NTRK3: variants seen among roughly 807,000 people sequenced by gnomAD.
NTRK3 encodes NT-3 growth factor receptor.
A neutral mutation model predicts 91.7 loss-of-function variants in NTRK3; 24 were observed. That is an observed-to-expected ratio of 0.26 (90% confidence interval 0.19 to 0.37). The LOEUF (loss-of-function observed/expected upper bound fraction) is 0.37. NTRK3 is among the 10% of genes least tolerant of loss of function. The pLI is 1.00. For synonymous variants in NTRK3, 483 were observed against 404.0 expected (o/e 1.20, Z -2.34); for missense variants, 880 against 1,068.9 (o/e 0.82, Z 2.46).
intron 5 of NTRK3, among the ~76,000 whole-genome samples, chr15:88,150,566 C>T (rs2043280481): frequency 6.6e-6 from 1 of 152,056 alleles, no homozygotes; most frequent in African/African-American, 2.4e-5. Flanking sequence ...TCCTCCCGCT[C>T]TTTGGGTGGA....
intron 3 of NTRK3, among the ~76,000 whole-genome samples, chr15:88,200,629 T>C (rs1597912718): frequency 6.6e-6 from 1 of 152,340 alleles, no homozygotes; most frequent in East Asian, 1.9e-4. Flanking sequence ...TGCCACCATG[T>C]GAAGAAGGAT....
intron 7 of NTRK3, 91 bp from the exon 8 acceptor site, chr15:88,136,700 C>T (rs532296375): frequency 2.7e-6 from 4 of 1,500,082 alleles, no homozygotes; most frequent in African/African-American, 2.8e-5. Flanking sequence ...GCACTTCTTG[C>T]CTTGCCCAGT....
intron 14 of NTRK3, among the ~76,000 whole-genome samples, chr15:88,004,893 T>A (rs1009955181): frequency 6.6e-6 from 1 of 152,176 alleles, no homozygotes; most frequent in Non-Finnish European, 1.5e-5. Context: ...GCAGAATGAA[T>A]GGATGGAATT....
At chr15:88,136,113 A>G in intron 8 of NTRK3, 73 bp from the exon 9 acceptor site, 3 of 1,557,736 alleles carry the variant, frequency 1.9e-6, no homozygotes, top group East Asian at 2.2e-5. Flanking sequence ...ATCCCCAAAT[A>G]CCTTTAGGAA....
At chr15:88,040,892 A>G (rs1293475594) in intron 13 of NTRK3, among the ~76,000 whole-genome samples, 1 of 152,218 alleles carries the variant, frequency 6.6e-6, no homozygotes, top group Non-Finnish European at 1.5e-5. Context: ...AACTACCATT[A>G]TTCTCATTTA....
intron 14 of NTRK3, among the ~76,000 whole-genome samples, chr15:88,022,065 A>G (rs1403070665): frequency 2.0e-5 from 3 of 152,100 alleles, no homozygotes; most frequent in Non-Finnish European, 2.9e-5. Context: ...GTGAAAAGCA[A>G]GTGACTTATT....
intron 14 of NTRK3, among the ~76,000 whole-genome samples, chr15:87,983,949 G>C (rs2074513000): frequency 6.6e-6 from 1 of 151,982 alleles, no homozygotes; most frequent in Non-Finnish European, 1.5e-5. Flanking sequence ...TTCTATCCCT[G>C]GTGGCTTCAC....
intron 17 of NTRK3, among the ~76,000 whole-genome samples, chr15:87,914,452 T>C (rs1319808469): frequency 2.0e-5 from 3 of 152,180 alleles, no homozygotes; most frequent in African/African-American, 7.2e-5. Context: ...GCCCAGTGAG[T>C]GGGAACCAAT....
At chr15:87,863,873 A>G (rs1377430300) in exon 19 of NTRK3, 6 of 231,936 alleles carry the variant, frequency 2.6e-5, no homozygotes, top group Non-Finnish European at 4.3e-5. Flanking sequence ...TTTTATTGTC[A>G]CATTCTGAGA....
chr15:87,919,496 A>C (rs543155707), intron 17 of NTRK3, among the ~76,000 whole-genome samples: 1 of 152,302 alleles, frequency 6.6e-6, no homozygotes, highest in Non-Finnish European at 1.5e-5. Context: ...TTCTGTATTC[A>C]GTTCTATACT....
At chr15:88,125,381 A>G (rs541955405) in intron 13 of NTRK3, among the ~76,000 whole-genome samples, 1 of 152,258 alleles carries the variant, frequency 6.6e-6, no homozygotes, top group Non-Finnish European at 1.5e-5. Flanking sequence ...ATAGAAATTC[A>G]TCTCTCTACA....
At chr15:88,199,910 A>C (rs2048157460) in intron 3 of NTRK3, among the ~76,000 whole-genome samples, 1 of 152,200 alleles carries the variant, frequency 6.6e-6, no homozygotes, top group African/African-American at 2.4e-5. Context: ...CCAAGAAAGG[A>C]AGTGGTGCTG....
chr15:88,078,087 C>A (rs1382831396), intron 13 of NTRK3, among the ~76,000 whole-genome samples: 1 of 152,214 alleles, frequency 6.6e-6, no homozygotes, highest in Non-Finnish European at 1.5e-5. Flanking sequence ...CAAACACATT[C>A]AGAGTTGGAC....
intron 13 of NTRK3, among the ~76,000 whole-genome samples, chr15:88,097,661 T>G (rs2049757966): frequency 6.6e-6 from 1 of 152,222 alleles, no homozygotes; most frequent in Non-Finnish European, 1.5e-5. Context: ...AAACGGGGAA[T>G]GATTAAATTT....
intron 14 of NTRK3, among the ~76,000 whole-genome samples, chr15:87,954,022 G>A (rs1252549928): frequency 1.5e-5 from 2 of 131,650 alleles, no homozygotes; most frequent in Admixed American, 1.4e-4. Flanking sequence ...GTGTGTGTGT[G>A]TGTGTGTGTG....
At chr15:88,060,853 A>C (rs1413617679) in intron 13 of NTRK3, among the ~76,000 whole-genome samples, 1 of 152,158 alleles carries the variant, frequency 6.6e-6, no homozygotes, top group African/African-American at 2.4e-5. Context: ...ACTTTTAGCC[A>C]TTGGTATCAT....
Position 88,163,588 on chromosome 15 carries a change from C to G in NTRK3, c.396-16185G>C, listed in dbSNP as rs148519902. 9.2e-5 allele frequency among the ~76,000 whole-genome samples: 14 copies of G among 152,304 alleles called. No individual in the cohort carries two copies. The East Asian group carries it at 2.7e-3, about 29-fold the overall frequency. ...GACAGCTTTTCCCTCTAGTTGTCTT[C>G]TTGATGCCTAGCAAGATACCTAGTA... is the stretch of plus-strand genomic sequence containing the variant. On this transcript the variant is annotated intron_variant, in intron 5 of 18. Transcript: ENST00000394480.
intron 3 of NTRK3, among the ~76,000 whole-genome samples, chr15:88,192,508 G>T (rs564347774): frequency 6.6e-6 from 1 of 152,202 alleles, no homozygotes; most frequent in South Asian, 2.1e-4. Flanking sequence ...TGGCCTCCCT[G>T]CTTTCCCTCT....
At chr15:87,885,187 C>A (rs1193905021) in intron 17 of NTRK3, among the ~76,000 whole-genome samples, 1 of 151,836 alleles carries the variant, frequency 6.6e-6, no homozygotes, top group Non-Finnish European at 1.5e-5. Context: ...GTTTAAAACA[C>A]CTCAGCATAA....
Sources: gnomAD v4.1 joint callset for allele counts (sites outside exome capture counted in the v4.1 genomes callset) on GRCh38, gnomAD v4.1.1 for gene constraint, MANE v1.5 for transcripts, NCBI Gene and HGNC (gene_info 2026-07-23, HGNC 2026-07-21) for gene names.